Variants in OR2L13 observed in about 807,000 individuals in gnomAD.
OR2L13 encodes olfactory receptor family 2 subfamily L member 13.
In OR2L13, 14 loss-of-function variants were observed where a neutral mutation model predicts 15.3. The observed-to-expected ratio is 0.91, with a 90% CI of 0.60 to 1.43. The LOEUF is 1.43. OR2L13 is among the 40% of genes most tolerant of loss of function. The pLI, the probability that OR2L13 is intolerant of heterozygous loss-of-function variation, is 0.00. For missense variants in OR2L13, 367 were observed against 387.9 expected (o/e 0.95, Z 0.45); for synonymous variants, 152 against 142.9 (o/e 1.06, Z -0.45).
chr1:247,957,544 T>C, the OR2L13 span, among the ~76,000 whole-genome samples: 1 of 152,198 alleles, frequency 6.6e-6, no homozygotes, highest in East Asian at 1.9e-4. Flanking sequence ...ATACCTCTGG[T>C]AAATTCGGCT....
At chr1:248,022,074 T>G in the OR2L13 span, 1 of 1,613,948 alleles carries the variant, frequency 6.2e-7, no homozygotes, top group Non-Finnish European at 8.5e-7. Context: ...TGGAAACCTA[T>G]CCATGATTCT....
chr1:248,051,201 A>G, the OR2L13 span: 2 of 151,960 alleles, frequency 1.3e-5, no homozygotes, highest in African/African-American at 4.8e-5. Context: ...CCACCATTCC[A>G]CTTTCCATCT....
chr1:247,974,390 CT>C, the OR2L13 span, among the ~76,000 whole-genome samples: 1 of 151,874 alleles, frequency 6.6e-6, no homozygotes, highest in Non-Finnish European at 1.5e-5. Flanking sequence ...CCTACATAAC[CT>C]GCACATTCAG....
chr1:247,965,852 A>G, the OR2L13 span: 10 of 1,613,766 alleles, frequency 6.2e-6, no homozygotes, highest in African/African-American at 5.3e-5. Context: ...GCTTTCATAC[A>G]TACATTGTAT....
chr1:248,096,206 G>A (rs1332954778), upstream of OR2L13, among the ~76,000 whole-genome samples: 1 of 151,648 alleles, frequency 6.6e-6, no homozygotes. Context: ...GTGAAACCCG[G>A]TCTCTACTGA....
chr1:247,947,560 G>C, the OR2L13 span, among the ~76,000 whole-genome samples: 4 of 152,068 alleles, frequency 2.6e-5, no homozygotes, highest in African/African-American at 4.8e-5. Flanking sequence ...GCAATTGCAT[G>C]CTCCTCCAAG....
the OR2L13 span, among the ~76,000 whole-genome samples, chr1:248,086,166 G>C: frequency 1.3e-5 from 2 of 151,894 alleles, no homozygotes; most frequent in African/African-American, 4.8e-5. Context: ...CATATATTCA[G>C]AAGCTTAAAA....
the OR2L13 span, chr1:248,021,999 C>T: frequency 5.0e-6 from 8 of 1,613,802 alleles, no homozygotes; most frequent in Non-Finnish European, 6.8e-6. Flanking sequence ...GGGGCTGTTC[C>T]CACCATCAAA....
chr1:247,969,877 C>T, the OR2L13 span, among the ~76,000 whole-genome samples: 52 of 152,292 alleles, frequency 3.4e-4, no homozygotes, highest in Middle Eastern at 3.4e-3. Context: ...GATGGCTGCT[C>T]CTGATGCAGA....
the OR2L13 span, among the ~76,000 whole-genome samples, chr1:248,075,131 TCTGTC>T: frequency 6.6e-6 from 1 of 152,208 alleles, no homozygotes; most frequent in African/African-American, 2.4e-5. Context: ...TATTTGGTTT[TCTGTC>T]CTTGTGATAG....
the OR2L13 span, among the ~76,000 whole-genome samples, chr1:248,010,180 A>G: frequency 1.3e-5 from 2 of 152,180 alleles, no homozygotes; most frequent in African/African-American, 4.8e-5. Context: ...ATCAGGCAGG[A>G]GAAAGAAATA....
chr1:248,057,958 A>T, the OR2L13 span, among the ~76,000 whole-genome samples: 1 of 152,112 alleles, frequency 6.6e-6, no homozygotes, highest in African/African-American at 2.4e-5. Context: ...GATAATTTTT[A>T]TTTCTTTTCT....
chr1:248,066,257 A>G, the OR2L13 span, among the ~76,000 whole-genome samples: 7 of 152,224 alleles, frequency 4.6e-5, no homozygotes, highest in Non-Finnish European at 1.0e-4. Context: ...AATAAAACTT[A>G]TATGCTTTTC....
At chr1:247,986,636 C>A in the OR2L13 span, among the ~76,000 whole-genome samples, 1 of 152,018 alleles carries the variant, frequency 6.6e-6, no homozygotes, top group African/African-American at 2.4e-5. Context: ...TAGTTTTTTC[C>A]AATTCTGTGA....
At chr1:248,028,186 C>T in the OR2L13 span, among the ~76,000 whole-genome samples, 24,612 of 148,646 alleles carry the variant, frequency 0.17, 2,258 homozygotes, top group East Asian at 0.31. Flanking sequence ...CCAAGTCTCT[C>T]CAGAAGGCTG....
chr1:247,968,174 A>G, the OR2L13 span, among the ~76,000 whole-genome samples: 1 of 152,148 alleles, frequency 6.6e-6, no homozygotes, highest in Non-Finnish European at 1.5e-5. Flanking sequence ...AATAAACTTT[A>G]TAATATAAAA....
At chr1:247,960,797 A>G in the OR2L13 span, among the ~76,000 whole-genome samples, 86 of 152,296 alleles carry the variant, frequency 5.6e-4, no homozygotes, top group South Asian at 4.1e-3. Context: ...AAAGTGCAGT[A>G]TTAGGGTGGG....
the OR2L13 span, chr1:248,023,039 T>C: frequency 1.5e-6 from 1 of 675,920 alleles, no homozygotes; most frequent in Admixed American, 3.3e-5. Flanking sequence ...TATAGTTGCA[T>C]ATTCTAAGAC....
chr1:248,004,088 G>A, the OR2L13 span: 106 of 1,581,778 alleles, frequency 6.7e-5, no homozygotes, highest in East Asian at 2.3e-3. Context: ...TCTGCCTAAG[G>A]TTTCAGGACT....
Sources: gnomAD v4.1 joint callset for allele counts (sites outside exome capture counted in the v4.1 genomes callset) on GRCh38, gnomAD v4.1.1 for gene constraint, MANE v1.5 for transcripts, NCBI Gene and HGNC (gene_info 2026-07-23, HGNC 2026-07-21) for gene names.